Variants in RAPGEF1 observed in about 807,000 individuals in gnomAD.
The protein encoded by RAPGEF1 is CRK SH3-binding GNRP.
RAPGEF1 carries 33 observed loss-of-function variants against 143.3 expected under a neutral mutation model. The ratio of observed to expected loss-of-function variants is 0.23; its 90% CI spans 0.17 to 0.31. The LOEUF is 0.31. RAPGEF1 is among the 10% of genes least tolerant of loss of function. RAPGEF1 has a pLI of 1.00. For synonymous variants in RAPGEF1, 629 were observed against 676.5 expected, an observed-to-expected ratio of 0.93 and a Z score of 1.09; for missense variants, 1,199 against 1,645.4, an observed-to-expected ratio of 0.73 and a Z score of 4.69.
intron 1 of RAPGEF1, chr9:131,709,722 C>A (rs767692578): frequency 1.9e-6 from 3 of 1,613,196 alleles, no homozygotes; most frequent in Non-Finnish European, 2.5e-6. Flanking sequence ...CCAGCCCCAG[C>A]GTCTTTCCGG....
intron 15 of RAPGEF1, 35 bp from the exon 16 acceptor site, chr9:131,598,345 A>T: frequency 6.3e-7 from 1 of 1,581,224 alleles, no homozygotes; most frequent in East Asian, 2.3e-5. Flanking sequence ...GCAAGTGTCA[A>T]ACCGGCTCAG....
chr9:131,637,249 C>T (rs1431308895), intron 5 of RAPGEF1, among the ~76,000 whole-genome samples: 1 of 150,662 alleles, frequency 6.6e-6, no homozygotes, highest in African/African-American at 2.4e-5. Context: ...AAAAGGAGAA[C>T]ATGGGAGAAT....
intron 25 of RAPGEF1, among the ~76,000 whole-genome samples, chr9:131,581,126 C>A: frequency 6.6e-6 from 1 of 150,956 alleles, no homozygotes. Flanking sequence ...AAGAACGTAA[C>A]AAGAACTCCA....
intron 12 of RAPGEF1, among the ~76,000 whole-genome samples, chr9:131,615,391 C>T (rs1958809848): frequency 6.6e-6 from 1 of 152,248 alleles, no homozygotes. Context: ...GGTGTTTTTT[C>T]CAATGCCAAC....
At position 131,577,358 on chromosome 9, in the gene RAPGEF1, G is replaced by A. The variant is rs1951331177; in HGVS notation, c.*2139C>T. The A allele has an allele frequency of 6.6e-6, 1 of 152,306 alleles. No homozygotes were observed. Among genetic ancestry groups the A allele is most frequent in the South Asian group, 2.1e-4 (1 of 4,834 alleles). The allele number at this position is 152,306 out of a possible 1,614,324, so 9.4% of individuals were successfully genotyped here. On this transcript the variant is annotated 3_prime_UTR_variant, in exon 27 of 27. Transcript: ENST00000683357. The stretch of plus-strand genomic sequence containing the variant: ...GCACAGGGTCTGTTCTGAATTCAGG[G>A]AAGGTGAAGAGACCCCACCTCTATC...
chr9:131,697,220 C>T (rs567414929), intron 1 of RAPGEF1, among the ~76,000 whole-genome samples: 1 of 152,010 alleles, frequency 6.6e-6, no homozygotes, highest in African/African-American at 2.4e-5. Context: ...TCACACTCAG[C>T]TGGCTGGGAT....
rs114162164 is a variant in RAPGEF1, at chr9:131,654,346, C to T, written c.62-3397G>A. ...CACTGGCAGTCTTCCTTCATCTCAG[C>T]ATTATTACAACCAGTTCCAGTGTCT... On this transcript the variant is annotated intron_variant, in intron 1 of 26. Coordinates refer to ENST00000683357, the MANE Select transcript of RAPGEF1 (RefSeq NM_001377935.1). Among the ~76,000 whole-genome samples, 796 of 152,336 alleles carry T rather than the reference C, an allele frequency of 5.2e-3. 5 individuals are homozygous for T. Among genetic ancestry groups the T allele is most frequent in the African/African-American group, 0.018 (749 of 41,572 alleles).
At chr9:131,580,224 C>G (rs548527086) in intron 26 of RAPGEF1, 39 bp downstream of exon 26, 1 of 1,609,208 alleles carries the variant, frequency 6.2e-7, no homozygotes, top group East Asian at 2.2e-5. Context: ...TGGCCCGGGG[C>G]TCAGCTCTGC....
intron 4 of RAPGEF1, 101 bp from the exon 5 acceptor site, chr9:131,638,892 T>C (rs929215028): frequency 1.6e-6 from 2 of 1,261,088 alleles, no homozygotes; most frequent in South Asian, 1.5e-5. Flanking sequence ...TCTCCAACTT[T>C]CTTTGTGCAA....
At chr9:131,733,876 T>C (rs1358012647) in intron 1 of RAPGEF1, among the ~76,000 whole-genome samples, 2 of 152,170 alleles carry the variant, frequency 1.3e-5, no homozygotes, top group African/African-American at 4.8e-5. Context: ...AGACCTCCTA[T>C]AAGGTCTCTT....
Position 131,667,082 on chromosome 9 carries a change from C to A in RAPGEF1, c.62-16133G>T, listed in dbSNP as rs541680148. ...TCGGCTCACTGCCATCTCCATCTCA[C>A]GGGTTCAAGTGATTCTCCTGCCTTG... is the stretch of plus-strand genomic sequence containing the variant. On this transcript the variant is annotated intron_variant, in intron 1 of 26. Transcript: ENST00000683357. The surrounding 1 kb of genome is among the most constrained non-coding windows in gnomAD (Gnocchi z 4.6). Among the ~76,000 whole-genome samples, 35 of 152,174 alleles carry A rather than the reference C, an allele frequency of 2.3e-4. No homozygotes were observed. Among genetic ancestry groups the A allele is most frequent in the African/African-American group, 8.4e-4 (35 of 41,514 alleles).
chr9:131,723,141 C>A (rs1324963455), intron 1 of RAPGEF1, among the ~76,000 whole-genome samples: 2 of 152,140 alleles, frequency 1.3e-5, no homozygotes, highest in African/African-American at 4.8e-5. Context: ...CTGCAGTGAG[C>A]CGAGATCACA....
At chr9:131,711,425 T>C (rs1485199012) in intron 1 of RAPGEF1, among the ~76,000 whole-genome samples, 2 of 149,710 alleles carry the variant, frequency 1.3e-5, no homozygotes, top group Non-Finnish European at 3.0e-5. Flanking sequence ...TGGTGCAATC[T>C]CAGCTCACTG....
chr9:131,609,235 TGTAA>T (rs1957614493), intron 12 of RAPGEF1, among the ~76,000 whole-genome samples: 1 of 152,148 alleles, frequency 6.6e-6, no homozygotes, highest in African/African-American at 2.4e-5. Flanking sequence ...GCTAGGCAGA[TGTAA>T]GTGTTGCACG....
intron 1 of RAPGEF1, among the ~76,000 whole-genome samples, chr9:131,734,661 G>A (rs1589130286): frequency 6.6e-6 from 1 of 152,138 alleles, no homozygotes; most frequent in Admixed American, 6.5e-5. Context: ...AAAATTGATC[G>A]AAATACAATG....
At chr9:131,618,583 T>C (rs1282659560) in intron 12 of RAPGEF1, among the ~76,000 whole-genome samples, 1 of 152,166 alleles carries the variant, frequency 6.6e-6, no homozygotes, top group African/African-American at 2.4e-5. Flanking sequence ...CTCATCTATC[T>C]TATCTATTTA....
chr9:131,633,363 A>AT (rs1965470083), intron 5 of RAPGEF1, among the ~76,000 whole-genome samples: 3 of 152,208 alleles, frequency 2.0e-5, no homozygotes, highest in Admixed American at 6.5e-5. Context: ...AAAGAGGAGC[A>AT]TCACGGCCTT....
At chr9:131,589,778 G>C (rs2132255635) in intron 19 of RAPGEF1, 108 bp downstream of exon 19, 2 of 1,032,284 alleles carry the variant, frequency 1.9e-6, no homozygotes, top group Non-Finnish European at 3.0e-6. Flanking sequence ...GACCAAGATA[G>C]AGCAGGCAAG....
intron 10 of RAPGEF1, among the ~76,000 whole-genome samples, chr9:131,623,428 A>G (rs572833366): frequency 6.6e-6 from 1 of 152,350 alleles, no homozygotes; most frequent in South Asian, 2.1e-4. Context: ...GGAAAAAAGA[A>G]AAAGATTAAA....
Sources: allele counts gnomAD v4.1 joint callset (sites outside exome capture counted in the v4.1 genomes callset), GRCh38; gene constraint gnomAD v4.1.1; non-coding constraint Gnocchi (gnomAD v3.1); transcripts MANE v1.5; gene names NCBI Gene and HGNC (gene_info 2026-07-23, HGNC 2026-07-21).